Variants in NIPAL4 observed in about 807,000 individuals in gnomAD.
NIPAL4 encodes the protein magnesium transporter NIPA4.
Under a neutral mutation model 31.6 loss-of-function variants are expected in NIPAL4, and 21 were observed. The observed-to-expected ratio is 0.67, with a 90% CI of 0.47 to 0.96. The LOEUF (loss-of-function observed/expected upper bound fraction) is 0.96. NIPAL4 is among the 40% of genes least tolerant of loss of function. The pLI is 0.00. For synonymous variants in NIPAL4, 175 were observed against 211.1 expected (o/e 0.83, Z 1.48); for missense variants, 438 against 508.0 (o/e 0.86, Z 1.32).
intron 3 of NIPAL4, 78 bp from the exon 4 acceptor site, chr5:157,468,644 T>C (rs928919945): frequency 7.1e-6 from 6 of 849,496 alleles, no homozygotes; most frequent in African/African-American, 1.7e-5. Context: ...TCCAGCTTGT[T>C]GCACACGGAA....
Position 157,460,292 on chromosome 5 carries a change from C to T in NIPAL4, c.-29C>T, listed in dbSNP as rs1376932702. ...CTGGGGAGCCCGGGCGCCGTCCGCCCGCGCGTCGGTTCGTGTGCCCCGGGC... is the reference window on the plus strand; with the variant it reads ...CTGGGGAGCCCGGGCGCCGTCCGCCTGCGCGTCGGTTCGTGTGCCCCGGGC... On this transcript the variant is annotated 5_prime_UTR_variant, in exon 1 of 6. Transcript: ENST00000311946. 4.5e-6 allele frequency: 7 copies of T among 1,545,812 alleles called. No individual in the cohort carries two copies. The Admixed American group carries it at 5.9e-5, about 13-fold the overall frequency.
chr5:157,470,392 T>C (rs935170608), intron 4 of NIPAL4, among the ~76,000 whole-genome samples: 9 of 152,164 alleles, frequency 5.9e-5, no homozygotes, highest in African/African-American at 2.2e-4. Flanking sequence ...CAACGAGGCA[T>C]AGAAGAAAAC....
chr5:157,465,937 G>C (rs1234167177), intron 2 of NIPAL4, among the ~76,000 whole-genome samples: 1 of 152,136 alleles, frequency 6.6e-6, no homozygotes, highest in Non-Finnish European at 1.5e-5. Context: ...AGGCTTCATT[G>C]AGCTATGATC....
At position 157,473,600 on chromosome 5, in the gene NIPAL4, C is replaced by T. The variant is rs1055256035; in HGVS notation, c.*640C>T. On this transcript the variant is annotated 3_prime_UTR_variant, in exon 6 of 6. Coordinates refer to ENST00000311946, the MANE Select transcript of NIPAL4 (RefSeq NM_001099287.2). ...GAAAAATTTCAACCAGCTCATTCCC[C>T]GAGCACTCCAGCCTGGCAGTCAGCA... 6.6e-6 allele frequency: 1 copy of T among 152,314 alleles called. No individual in the cohort carries two copies. The highest frequency in any genetic ancestry group is 2.1e-4 in the South Asian group (1 of 4,838). The allele number at this position is 152,314 out of a possible 1,614,324, so 9.4% of individuals were successfully genotyped here.
rs1311877126 is a variant in NIPAL4, at chr5:157,460,300, G to T, written c.-21G>T. The T allele has an allele frequency of 3.2e-6, 5 of 1,545,982 alleles. No homozygotes were observed. In the African/African-American group the frequency reaches 5.5e-5, roughly 17 times the overall value. ...CCCGGGCGCCGTCCGCCCGCGCGTCGGTTCGTGTGCCCCGGGCCCCATGGA... is the reference window on the plus strand; with the variant it reads ...CCCGGGCGCCGTCCGCCCGCGCGTCTGTTCGTGTGCCCCGGGCCCCATGGA... On this transcript the variant is annotated 5_prime_UTR_variant, in exon 1 of 6. Transcript: ENST00000311946.
intron 4 of NIPAL4, among the ~76,000 whole-genome samples, 173 bp from the exon 5 acceptor site, chr5:157,471,484 T>G (rs1458692032): frequency 1.3e-5 from 2 of 151,802 alleles, no homozygotes; most frequent in African/African-American, 4.8e-5. Flanking sequence ...CTTAGGGAGG[T>G]CACATGATTT....
At chr5:157,462,608 T>C (rs1186168055) in intron 1 of NIPAL4, among the ~76,000 whole-genome samples, 2 of 152,264 alleles carry the variant, frequency 1.3e-5, no homozygotes, top group Non-Finnish European at 2.9e-5. Flanking sequence ...AAGCTTAGAA[T>C]CTGACACTGG....
Position 157,473,768 on chromosome 5 carries a change from C to T in NIPAL4, c.*808C>T, listed in dbSNP as rs1028056704. 2.0e-5 allele frequency: 3 copies of T among 152,218 alleles called. No individual in the cohort carries two copies. Among genetic ancestry groups the T allele is most frequent in the African/African-American group, 7.2e-5 (3 of 41,448 alleles). 9.4% of individuals were successfully genotyped at this position (152,218 alleles called of 1,614,324 possible). A position where few individuals can be genotyped will look rare whatever the true frequency, so the allele number is the denominator to read the frequency against. ...AGAGCCACAGCCAAACTCTGGTGGC[C>T]AAACCCAGTGTTGCATTTTGTCTTA... is the stretch of plus-strand genomic sequence containing the variant. On this transcript the variant is annotated 3_prime_UTR_variant, in exon 6 of 6. Transcript: ENST00000311946.
chr5:157,471,854 G>A, intron 5 of NIPAL4, 37 bp downstream of exon 5: 1 of 1,509,882 alleles, frequency 6.6e-7, no homozygotes. Flanking sequence ...GAAAATACTG[G>A]AGGTTGAACA....
chr5:157,462,143 C>T (rs1754127292), intron 1 of NIPAL4, among the ~76,000 whole-genome samples: 1 of 152,286 alleles, frequency 6.6e-6, no homozygotes, highest in Admixed American at 6.5e-5. Context: ...CCTACAAAGG[C>T]CAAGCACGTG....
rs1213527885 is a variant in NIPAL4, at chr5:157,473,167, A to T, written c.*207A>T. 1 of 477,258 alleles carries T rather than the reference A, an allele frequency of 2.1e-6. No homozygotes were observed. The highest frequency in any genetic ancestry group is 5.4e-4 in the Middle Eastern group (1 of 1,842). 29.6% of individuals were successfully genotyped at this position (477,258 alleles called of 1,614,324 possible). A position where few individuals can be genotyped will look rare whatever the true frequency, so the allele number is the denominator to read the frequency against. On this transcript the variant is annotated 3_prime_UTR_variant, in exon 6 of 6. Transcript: ENST00000311946. ...GAACTTCCTGGAAACAGATTCAGTG[A>T]CCAAATACCCAAGTTTACATCAGTG... is the stretch of plus-strand genomic sequence containing the variant.
intron 2 of NIPAL4, 93 bp from the exon 3 acceptor site, chr5:157,466,956 C>G: frequency 1.1e-6 from 1 of 946,036 alleles, no homozygotes; most frequent in South Asian, 1.4e-5. Flanking sequence ...AGGAGCAGCC[C>G]TTAGAGGCCG....
chr5:157,467,452 C>T (rs567158358), intron 3 of NIPAL4: 2 of 296,484 alleles, frequency 6.7e-6, no homozygotes, highest in African/African-American at 2.2e-5. Flanking sequence ...CCAACTTCCC[C>T]CAGTCCGCAG....
chr5:157,468,850 C>T (rs373213353), intron 4 of NIPAL4, 38 bp downstream of exon 4: 53 of 1,401,104 alleles, frequency 3.8e-5, no homozygotes, highest in South Asian at 6.6e-5. Flanking sequence ...TTTTCTATTC[C>T]GTTTTCAGTT....
intron 1 of NIPAL4, among the ~76,000 whole-genome samples, chr5:157,462,821 G>T (rs1288536396): frequency 6.6e-6 from 1 of 152,198 alleles, no homozygotes; most frequent in African/African-American, 2.4e-5. Context: ...CAGTTTCATT[G>T]AACTTATGTA....
intron 2 of NIPAL4, among the ~76,000 whole-genome samples, chr5:157,466,300 G>A (rs1021598448): frequency 1.3e-5 from 2 of 152,140 alleles, no homozygotes; most frequent in Admixed American, 1.3e-4. Flanking sequence ...GAGGAGAAGA[G>A]TGGCAGGAGA....
At chr5:157,470,024 C>T (rs1043587471) in intron 4 of NIPAL4, among the ~76,000 whole-genome samples, 2 of 152,098 alleles carry the variant, frequency 1.3e-5, no homozygotes, top group Non-Finnish European at 2.9e-5. Flanking sequence ...TGGGACATTG[C>T]GGCCAAAATA....
intron 5 of NIPAL4, 61 bp from the exon 6 acceptor site, chr5:157,472,271 G>A: frequency 6.7e-7 from 1 of 1,499,468 alleles, no homozygotes; most frequent in Non-Finnish European, 9.0e-7. Context: ...CATGAGTCTG[G>A]GCCCTAGACA....
intron 3 of NIPAL4, 94 bp from the exon 4 acceptor site, chr5:157,468,628 G>A: frequency 1.3e-6 from 1 of 787,244 alleles, no homozygotes; most frequent in South Asian, 1.4e-5. Context: ...TGCTGGTCTG[G>A]GATTCTCCAG....
Sources: allele counts gnomAD v4.1 joint callset (sites outside exome capture counted in the v4.1 genomes callset), GRCh38; gene constraint gnomAD v4.1.1; transcripts MANE v1.5; gene names NCBI Gene and HGNC (gene_info 2026-07-23, HGNC 2026-07-21).